The following SPATS2L variants were observed in gnomAD, a reference collection of about 807,000 sequenced individuals.
SPATS2L encodes the protein spermatogenesis associated serine rich 2 like.
In SPATS2L, 30 loss-of-function variants were observed where a neutral mutation model predicts 59.6. The observed-to-expected ratio is 0.50, with a 90% CI of 0.38 to 0.68. The LOEUF (loss-of-function observed/expected upper bound fraction) is 0.68. Ranked by LOEUF, SPATS2L falls within the 30% of genes least tolerant of loss-of-function variation. SPATS2L has a pLI of 0.00. For synonymous variants in SPATS2L, 252 were observed against 263.5 expected, an observed-to-expected ratio of 0.96 and a Z score of 0.42; for missense variants, 615 against 700.0, an observed-to-expected ratio of 0.88 and a Z score of 1.37.
Position 200,412,415 on chromosome 2 carries a change from G to A in SPATS2L, c.144G>A (p.Val48=), listed in dbSNP as rs961830763. The A allele has an allele frequency of 1.4e-4, 216 of 1,573,736 alleles. No individual in the cohort carries two copies. The highest frequency in any genetic ancestry group is 1.8e-4 in the Non-Finnish European group (212 of 1,151,410). Reference sequence around the variant, plus strand: ...TGGATAAAGCCGTGCAAGCCTTTGTGGATGGTAGGTATACCTGTACCCTGC... The same window carrying A: ...TGGATAAAGCCGTGCAAGCCTTTGTAGATGGTAGGTATACCTGTACCCTGC... The part of the protein sequence containing the change: ...FNVDKAVQAF[V]DGSAIQVLKE... The change falls in exon 4 of 13, where the codon GTG becomes GTA. Residue 48 remains valine, a synonymous_variant. Transcript: ENST00000409140.
chr2:200,440,551 C>G, intron 7 of SPATS2L, 98 bp from the exon 8 acceptor site: 1 of 1,174,226 alleles, frequency 8.5e-7, no homozygotes, highest in South Asian at 1.5e-5. Flanking sequence ...AAAGATGAGT[C>G]CCTTTTTCTG....
intron 8 of SPATS2L, among the ~76,000 whole-genome samples, chr2:200,447,929 C>T (rs551365225): frequency 1.2e-4 from 18 of 152,262 alleles, no homozygotes; most frequent in African/African-American, 3.9e-4. Flanking sequence ...GTAGTGAAGA[C>T]AAAAATCAAG....
intron 1 of SPATS2L, among the ~76,000 whole-genome samples, chr2:200,325,527 C>G (rs2079707446): frequency 6.6e-6 from 1 of 152,022 alleles, no homozygotes; most frequent in Non-Finnish European, 1.5e-5. Flanking sequence ...TACAGGTGCA[C>G]ACCACCACGC....
chr2:200,458,729 C>T (rs560686435), intron 8 of SPATS2L, among the ~76,000 whole-genome samples: 162 of 116,836 alleles, frequency 1.4e-3, no homozygotes, highest in African/African-American at 4.3e-3. Flanking sequence ...TTTTAACACA[C>T]TGTTAAAAAA....
chr2:200,391,065 C>T (rs560990882), intron 3 of SPATS2L, among the ~76,000 whole-genome samples: 2 of 152,236 alleles, frequency 1.3e-5, no homozygotes, highest in Non-Finnish European at 2.9e-5. Context: ...GAGGCTGAGG[C>T]AGGAGATTCG....
intron 3 of SPATS2L, among the ~76,000 whole-genome samples, chr2:200,407,060 T>G (rs577984527): frequency 6.6e-6 from 1 of 152,306 alleles, no homozygotes; most frequent in Non-Finnish European, 1.5e-5. Context: ...GTCTTTCCAC[T>G]TCAAAGCCAC....
chr2:200,313,908 C>T (rs573331804), intron 1 of SPATS2L, among the ~76,000 whole-genome samples: 4 of 152,078 alleles, frequency 2.6e-5, no homozygotes, highest in African/African-American at 9.6e-5. Context: ...CTGAGTTATC[C>T]ATTTCTCCTC....
At position 200,385,781 on chromosome 2, in the gene SPATS2L, C is replaced by G. The variant is rs186176236; in HGVS notation, c.-22-3442C>G. 1.4e-3 allele frequency among the ~76,000 whole-genome samples: 216 copies of G among 152,214 alleles called. 2 individuals carry two copies. The highest frequency in any genetic ancestry group is 2.2e-3 in the Non-Finnish European group (150 of 68,008). On this transcript the variant is annotated intron_variant, in intron 2 of 12. Transcript: ENST00000409140. ...GATCTTGGCTCACTGCAAGCTCTGC[C>G]TCCTGGGTTCACGCCATTCTCCTGC...
At chr2:200,377,094 C>T (rs1313607285) in intron 2 of SPATS2L, among the ~76,000 whole-genome samples, 1 of 152,174 alleles carries the variant, frequency 6.6e-6, no homozygotes, top group Non-Finnish European at 1.5e-5. Context: ...TTGCTGTGTG[C>T]CAGGCACTGT....
intron 3 of SPATS2L, among the ~76,000 whole-genome samples, chr2:200,394,733 T>C (rs1427611595): frequency 6.6e-6 from 1 of 152,250 alleles, no homozygotes; most frequent in African/African-American, 2.4e-5. Context: ...AGTACTCTTT[T>C]TGCTATTAAA....
intron 2 of SPATS2L, among the ~76,000 whole-genome samples, chr2:200,372,504 C>A (rs773378880): frequency 2.6e-4 from 39 of 152,078 alleles, no homozygotes; most frequent in African/African-American, 9.2e-4. Context: ...CAAAATTTAA[C>A]GCACTGAGAA....
intron 4 of SPATS2L, among the ~76,000 whole-genome samples, chr2:200,415,968 G>GTGGT (rs1553525874): frequency 6.6e-6 from 1 of 152,082 alleles, no homozygotes; most frequent in African/African-American, 2.4e-5. Flanking sequence ...ACAGAAAGCT[G>GTGGT]TGATTCACAT....
chr2:200,329,466 G>C lies in SPATS2L; in HGVS notation c.-37G>C. ...AAACCAGGCTGCTTTCAGGAACATT[G>C]CTGTGGATTCCCAGGTGAGTAGAGA... On this transcript the variant is annotated 5_prime_UTR_variant, in exon 2 of 13. Transcript: ENST00000409140. 1 of 1,550,504 alleles carries C rather than the reference G, an allele frequency of 6.4e-7. No individual in the cohort carries two copies. Among genetic ancestry groups the C allele is most frequent in the African/African-American group, 1.4e-5 (1 of 73,140 alleles).
In SPATS2L at chr2:200,371,830, G is replaced by A. The variant is rs564920916; in HGVS notation, c.-22-17393G>A. 7.9e-5 allele frequency among the ~76,000 whole-genome samples: 12 copies of A among 152,252 alleles called. No individual in the cohort carries two copies. In the South Asian group the frequency reaches 2.5e-3, roughly 32 times the overall value. On this transcript the variant is annotated intron_variant, in intron 2 of 12. Coordinates refer to ENST00000409140, the MANE Select transcript of SPATS2L (RefSeq NM_001100423.2). Reference sequence around the variant, plus strand: ...CAGGAGATGCTTCTCATGAAGGTTGGGTTGAGTTACAAACCAACCCAAACA... The same window carrying A: ...CAGGAGATGCTTCTCATGAAGGTTGAGTTGAGTTACAAACCAACCCAAACA...
At chr2:200,362,076 CAAAAAATA>C (rs533785455) in intron 2 of SPATS2L, among the ~76,000 whole-genome samples, 47 of 151,736 alleles carry the variant, frequency 3.1e-4, no homozygotes, top group Middle Eastern at 3.4e-3. Context: ...CCTGTTTCTA[CAAAAAATA>C]AAAAAATAAA....
In SPATS2L at chr2:200,342,488, T is replaced by C. The variant is rs183598177; in HGVS notation, c.-23+13008T>C. The stretch of plus-strand genomic sequence containing the variant: ...CCTCCGTCTGATGCTGGGCCTGCCT[T>C]CCCTGCTGTGCAGCTACTCTGTGTC... On this transcript the variant is annotated intron_variant, in intron 2 of 12. Transcript: ENST00000409140. Among the ~76,000 whole-genome samples the C allele has an allele frequency of 2.4e-4, 37 of 152,364 alleles. No homozygotes were observed. In the East Asian group the frequency reaches 6.4e-3, roughly 26 times the overall value.
intron 2 of SPATS2L, among the ~76,000 whole-genome samples, chr2:200,361,253 C>T (rs1362312796): frequency 6.6e-6 from 1 of 151,900 alleles, no homozygotes; most frequent in Non-Finnish European, 1.5e-5. Context: ...CTCATGTAAG[C>T]ACAAACCAAC....
At position 200,392,392 on chromosome 2, in the gene SPATS2L, G is replaced by C. The variant is rs2082198825; in HGVS notation, c.39+3109G>C. 2.6e-5 allele frequency among the ~76,000 whole-genome samples: 4 copies of C among 152,158 alleles called. No individual in the cohort carries two copies. In the South Asian group the frequency reaches 8.3e-4, roughly 32 times the overall value. On this transcript the variant is annotated intron_variant, in intron 3 of 12. Transcript: ENST00000409140. ...TGGTGAACCCAGAGAGGGCATGTTA[G>C]CTTTGAACCCCTTTCCACATACCTT...
intron 3 of SPATS2L, 123 bp downstream of exon 3, chr2:200,389,406 G>A (rs1254248704): frequency 9.3e-6 from 6 of 645,614 alleles, no homozygotes; most frequent in African/African-American, 9.1e-5. Flanking sequence ...TAGTAAGTTT[G>A]CCACAACAGT....
Sources: gnomAD v4.1 joint callset for allele counts (sites outside exome capture counted in the v4.1 genomes callset) on GRCh38, gnomAD v4.1.1 for gene constraint, MANE v1.5 for transcripts, NCBI Gene and HGNC (gene_info 2026-07-23, HGNC 2026-07-21) for gene names.